HLTF: variants seen among roughly 807,000 people sequenced by gnomAD.
The protein encoded by HLTF is helicase like transcription factor.
Under a neutral mutation model 129.4 loss-of-function variants are expected in HLTF, and 127 were observed. That is an observed-to-expected ratio of 0.98 (90% CI 0.85 to 1.14). The LOEUF is 1.14. HLTF is among the 50% of genes most tolerant of loss of function. HLTF has a pLI of 0.00. For missense variants in HLTF, 1,139 were observed against 1,187.1 expected (o/e 0.96, Z 0.60); for synonymous variants, 332 against 388.8 (o/e 0.85, Z 1.72).
At position 149,060,877 on chromosome 3, in the gene HLTF, A is replaced by G. The variant is rs757800653; in HGVS notation, c.1161-19T>C. 1 of 1,570,820 alleles carries G rather than the reference A, an allele frequency of 6.4e-7. No homozygotes were observed. The highest frequency in any genetic ancestry group is 1.1e-5 in the South Asian group (1 of 87,204). On this transcript the variant is annotated intron_variant, in intron 10 of 24. Transcript: ENST00000310053. The stretch of plus-strand genomic sequence containing the variant: ...TTTTCTTCTAAAATTAAGTATACAC[A>G]AAGAAATTTTTGGACCAACCCAAAG...
chr3:149,036,216 T>C (rs758828757), intron 23 of HLTF, among the ~76,000 whole-genome samples: 12 of 151,472 alleles, frequency 7.9e-5, no homozygotes, highest in African/African-American at 2.4e-4. Flanking sequence ...CAAAAAGATA[T>C]AGACCCCTGG....
chr3:149,034,876 TC>T, intron 24 of HLTF, 41 bp downstream of exon 24: 1 of 1,310,314 alleles, frequency 7.6e-7, no homozygotes. Flanking sequence ...ATTGTAAAAA[TC>T]GTATCAACCT....
chr3:149,077,834 A>G (rs769388068), intron 2 of HLTF, among the ~76,000 whole-genome samples: 41 of 152,138 alleles, frequency 2.7e-4, no homozygotes, highest in Non-Finnish European at 4.3e-4. Context: ...CCTAACATAC[A>G]GAAGTTCTCA....
chr3:149,071,237 G>GAAAA lies in HLTF; in HGVS notation c.894+11_894+14dup. The GAAAA allele has an allele frequency of 6.8e-7, 1 of 1,473,138 alleles. No homozygotes were observed. Among genetic ancestry groups the GAAAA allele is most frequent in the Non-Finnish European group, 9.2e-7 (1 of 1,091,952 alleles). 91.3% of individuals were successfully genotyped at this position (1,473,138 alleles called of 1,614,324 possible). Reference sequence around the variant, plus strand: ...ACAAAATTAGATTTTATTAACTAAAGAAAAAAATAATTACCAAACCCATAT... The same window carrying GAAAA: ...ACAAAATTAGATTTTATTAACTAAAGAAAAAAAAAAATAATTACCAAACCCATAT... On this transcript the variant is annotated intron_variant, in intron 7 of 24. Coordinates refer to ENST00000310053, the MANE Select transcript of HLTF (RefSeq NM_003071.4).
At position 149,074,422 on chromosome 3, in the gene HLTF, A is replaced by G. The variant is rs1461740621; in HGVS notation, c.396-74T>C. 9 of 1,362,292 alleles carry G rather than the reference A, an allele frequency of 6.6e-6. No homozygotes were observed. The African/African-American group carries it at 1.2e-4, about 18-fold the overall frequency. 84.4% of individuals were successfully genotyped at this position (1,362,292 alleles called of 1,614,324 possible). On this transcript the variant is annotated intron_variant, in intron 3 of 24. Coordinates refer to ENST00000310053, the MANE Select transcript of HLTF (RefSeq NM_003071.4). ...TATCCCCACTAAGAATTAGTTCAATATTTTAAGTGTATCATTTACATTTTA... is the reference window on the plus strand; with the variant it reads ...TATCCCCACTAAGAATTAGTTCAATGTTTTAAGTGTATCATTTACATTTTA...
chr3:149,085,297 C>G (rs971905329), intron 1 of HLTF, among the ~76,000 whole-genome samples: 2 of 152,160 alleles, frequency 1.3e-5, no homozygotes, highest in Non-Finnish European at 2.9e-5. Flanking sequence ...TTGAGACCAA[C>G]CTGGCCAACA....
At chr3:149,069,530 T>A (rs1718678990) in intron 7 of HLTF, among the ~76,000 whole-genome samples, 1 of 152,106 alleles carries the variant, frequency 6.6e-6, no homozygotes, top group Non-Finnish European at 1.5e-5. Context: ...TTAATTTTAT[T>A]AAGTCTCATT....
intron 2 of HLTF, among the ~76,000 whole-genome samples, chr3:149,079,378 A>AT: frequency 3.1e-5 from 1 of 32,540 alleles, no homozygotes; most frequent in South Asian, 5.9e-4. Flanking sequence ...GTTTCTAAAA[A>AT]AAAAAAAAAA....
At chr3:149,053,366 C>G (rs923919941) in intron 14 of HLTF, among the ~76,000 whole-genome samples, 1 of 152,102 alleles carries the variant, frequency 6.6e-6, no homozygotes, top group Non-Finnish European at 1.5e-5. Flanking sequence ...TAAGTCCACA[C>G]GAGATCTGGT....
chr3:149,041,805 T>G (rs1716156596), intron 19 of HLTF, 137 bp from the exon 20 acceptor site: 2 of 659,202 alleles, frequency 3.0e-6, no homozygotes, highest in East Asian at 2.7e-5. Flanking sequence ...AAGCATAATT[T>G]AAATTTGAAA....
intron 1 of HLTF, among the ~76,000 whole-genome samples, chr3:149,085,381 C>A (rs1472647666): frequency 6.6e-6 from 1 of 151,958 alleles, no homozygotes; most frequent in Non-Finnish European, 1.5e-5. Flanking sequence ...CCCAGCTACT[C>A]GGGAGGCTGA....
At chr3:149,039,301 C>G in intron 22 of HLTF, 72 bp from the exon 23 acceptor site, 1 of 1,067,232 alleles carries the variant, frequency 9.4e-7, no homozygotes, top group Admixed American at 3.5e-5. Flanking sequence ...TAAGTAACTA[C>G]AAATCTCTTC....
chr3:149,071,954 G>A (rs1718909713), intron 5 of HLTF, among the ~76,000 whole-genome samples: 1 of 152,114 alleles, frequency 6.6e-6, no homozygotes, highest in Admixed American at 6.6e-5. Context: ...TAGGGATGCT[G>A]AGATGGGAGG....
At chr3:149,069,940 G>A (rs561848674) in intron 7 of HLTF, among the ~76,000 whole-genome samples, 31 of 152,132 alleles carry the variant, frequency 2.0e-4, no homozygotes, top group Non-Finnish European at 4.4e-5. Flanking sequence ...TGTAAGTTTT[G>A]GATATTGCAT....
Position 149,049,017 on chromosome 3 carries a change from TATATGAATTAAA to T in HLTF, c.1618-28_1618-17del. 6.4e-7 allele frequency: 1 copy of T among 1,554,800 alleles called. No homozygotes were observed. Among genetic ancestry groups the T allele is most frequent in the Non-Finnish European group, 8.8e-7 (1 of 1,134,500 alleles). On this transcript the variant is annotated splice_polypyrimidine_tract_variant and intron_variant, in intron 15 of 24. Transcript: ENST00000310053. Reference sequence around the variant, plus strand: ...CTCCTTTAGTCTGAAATAAATGTTTTATATGAATTAAAAAACACAGGAAAGTAAAATAGTACT... The same window carrying T: ...CTCCTTTAGTCTGAAATAAATGTTTTAAACACAGGAAAGTAAAATAGTACT...
rs1315698249 is a variant in HLTF, at chr3:149,076,003, G to A, written c.273C>T (p.Asn91=). 1.3e-6 allele frequency: 2 copies of A among 1,528,228 alleles called. No homozygotes were observed. Among genetic ancestry groups the A allele is most frequent in the East Asian group, 4.5e-5 (2 of 43,990 alleles). The allele number at this position is 1,528,228 out of a possible 1,614,324, so 94.7% of individuals were successfully genotyped here. A position where few individuals can be genotyped will look rare whatever the true frequency, so the allele number is the denominator to read the frequency against. Residue 91 remains asparagine (N), a synonymous_variant, in exon 3 of 25, where the codon AAC becomes AAT. Coordinates refer to ENST00000310053, the MANE Select transcript of HLTF (RefSeq NM_003071.4). ...CTTTAATTGCATTCTTATCATAAGG[G>A]TTATTAGGATCTCGTTGTAATGCAA... The part of the protein sequence containing the change: ...EMVALQRDPN[N]PYDKNAIKVN...
intron 8 of HLTF, among the ~76,000 whole-genome samples, chr3:149,066,193 T>C (rs1303907335): frequency 6.6e-6 from 1 of 152,000 alleles, no homozygotes; most frequent in African/African-American, 2.4e-5. Context: ...ATTACAGGTA[T>C]GCGCCACCAC....
At position 149,064,862 on chromosome 3, in the gene HLTF, T is replaced by G; in HGVS notation, c.995A>C (p.Tyr332Ser). Residue 332 changes from tyrosine (Y) to serine (S), a missense_variant, in exon 9 of 25, where the codon TAT becomes TCT. Coordinates refer to ENST00000310053, the MANE Select transcript of HLTF (RefSeq NM_003071.4). ...TTTCATAGAGTCATCGTTAACATTATATTCCTGGGTAAATAGGCATATTTC... is the reference window on the plus strand; with the variant it reads ...TTTCATAGAGTCATCGTTAACATTAGATTCCTGGGTAAATAGGCATATTTC... ...RVKKNLLKKE[Y>S]NVNDDSMKLG... 1 of 1,573,950 alleles carries G rather than the reference T, an allele frequency of 6.4e-7. No homozygotes were observed. Among genetic ancestry groups the G allele is most frequent in the Non-Finnish European group, 8.7e-7 (1 of 1,144,796 alleles).
At chr3:149,036,796 T>C (rs1469059718) in intron 23 of HLTF, among the ~76,000 whole-genome samples, 1 of 152,086 alleles carries the variant, frequency 6.6e-6, no homozygotes, top group Non-Finnish European at 1.5e-5. Context: ...CATGAGCAAA[T>C]TTTTATTTTT....
Sources: allele counts gnomAD v4.1 joint callset (sites outside exome capture counted in the v4.1 genomes callset), GRCh38; gene constraint gnomAD v4.1.1; transcripts MANE v1.5; gene names NCBI Gene and HGNC (gene_info 2026-07-23, HGNC 2026-07-21).